Variants in PHACTR4 observed in about 807,000 individuals in gnomAD.
PHACTR4 encodes protein phosphatase 1, regulatory subunit 124.
A neutral mutation model predicts 72.7 loss-of-function variants in PHACTR4; 51 were observed. The observed-to-expected ratio is 0.70, with a 90% CI of 0.56 to 0.89. The LOEUF (loss-of-function observed/expected upper bound fraction) is 0.89, where lower values mean the gene tolerates loss of function less well. Ranked by LOEUF, PHACTR4 falls within the 40% of genes least tolerant of loss-of-function variation. The pLI, the probability that PHACTR4 is intolerant of heterozygous loss-of-function variation, is 0.00. For missense variants in PHACTR4, 731 were observed against 861.8 expected (o/e 0.85, Z 1.90); for synonymous variants, 255 against 302.5 (o/e 0.84, Z 1.63).
Position 28,466,721 on chromosome 1 carries a change from C to T in PHACTR4, c.776C>T (p.Pro259Leu). The change falls in exon 6 of 14, where the codon CCT becomes CTT. Residue 259 changes from proline to leucine, a missense_variant. By Grantham distance (98) the Pro-to-Leu change is moderately conservative (BLOSUM62 -3). Around this residue, in one of 2 missense-constraint regions of PHACTR4, gnomAD observed 621 missense variants for 676.6 expected, o/e 0.92. Coordinates refer to ENST00000373839, the MANE Select transcript of PHACTR4 (RefSeq NM_001048183.3). ...CATATGGTCCCTGCCAAGCAGCCCC[C>T]TATCCCTCCCCCTAAACCAGCTCAC... ...LTHMVPAKQPPIPPPKPAHRN... is the reference protein window; with the variant it reads ...LTHMVPAKQPLIPPPKPAHRN... 1.9e-6 allele frequency: 3 copies of T among 1,613,896 alleles called. No individual in the cohort carries two copies. The highest frequency in any genetic ancestry group is 1.7e-6 in the Non-Finnish European group (2 of 1,179,930).
intron 2 of PHACTR4, among the ~76,000 whole-genome samples, chr1:28,442,316 T>C (rs1251185351): frequency 1.3e-5 from 2 of 151,728 alleles, no homozygotes; most frequent in African/African-American, 4.8e-5. Context: ...ATACAAAAAT[T>C]AGCTGAGCAT....
intron 2 of PHACTR4, chr1:28,457,194 T>C (rs1334665117): frequency 1.1e-5 from 4 of 369,430 alleles, no homozygotes; most frequent in African/African-American, 8.4e-5. Flanking sequence ...AAAACTTCCC[T>C]AAACCTCCAT....
chr1:28,448,589 T>TA (rs747826049), intron 2 of PHACTR4, among the ~76,000 whole-genome samples: 4,846 of 95,754 alleles, frequency 0.051, 160 homozygotes, highest in Non-Finnish European at 0.065. Flanking sequence ...CATCTCTACT[T>TA]AAAAAAAAAA....
chr1:28,444,723 C>T lies in PHACTR4; in HGVS notation c.17-14362C>T, dbSNP rs1366389118. Among the ~76,000 whole-genome samples, 2 of 150,092 alleles carry T rather than the reference C, an allele frequency of 1.3e-5. 1 individual carries two copies. The highest frequency in any genetic ancestry group is 4.9e-5 in the African/African-American group (2 of 41,004). The stretch of plus-strand genomic sequence containing the variant: ...CTCCACCTCCCGGGTTCACGCCATT[C>T]TCCTGCCTCAGCCTCCCAAGTAGCT... On this transcript the variant is annotated intron_variant, in intron 2 of 13. Coordinates refer to ENST00000373839, the MANE Select transcript of PHACTR4 (RefSeq NM_001048183.3).
chr1:28,402,220 A>G (rs2124254874), intron 1 of PHACTR4, among the ~76,000 whole-genome samples: 1 of 152,276 alleles, frequency 6.6e-6, no homozygotes, highest in Non-Finnish European at 1.5e-5. Flanking sequence ...CTCTTTTTCT[A>G]AGTGCTTTAC....
At chr1:28,378,475 C>T (rs2124124809) in intron 1 of PHACTR4, among the ~76,000 whole-genome samples, 1 of 151,844 alleles carries the variant, frequency 6.6e-6, no homozygotes, top group Admixed American at 6.6e-5. Flanking sequence ...TGCACTCCAG[C>T]CTGGGTGACA....
intron 6 of PHACTR4, among the ~76,000 whole-genome samples, chr1:28,471,210 G>A (rs575328520): frequency 2.4e-4 from 36 of 151,792 alleles, no homozygotes; most frequent in African/African-American, 8.0e-4. Context: ...TTAGCCGGGC[G>A]TGGTGGCACA....
At chr1:28,484,787 G>T (rs1660527019) in intron 9 of PHACTR4, among the ~76,000 whole-genome samples, 1 of 151,898 alleles carries the variant, frequency 6.6e-6, no homozygotes, top group Non-Finnish European at 1.5e-5. Flanking sequence ...CTAACACGGT[G>T]AAACCCCATC....
intron 2 of PHACTR4, among the ~76,000 whole-genome samples, chr1:28,411,919 G>C (rs1277930301): frequency 2.0e-5 from 3 of 151,980 alleles, no homozygotes; most frequent in African/African-American, 7.2e-5. Flanking sequence ...GAAAGAAAGA[G>C]AAAGAAAGAA....
At chr1:28,438,359 C>G in intron 2 of PHACTR4, 2 of 1,604,886 alleles carry the variant, frequency 1.2e-6, no homozygotes, top group Non-Finnish European at 1.7e-6. Flanking sequence ...AGTTTGTTGT[C>G]GTGAGATACA....
At chr1:28,457,540 C>G (rs1658478872) in intron 2 of PHACTR4, among the ~76,000 whole-genome samples, 1 of 151,936 alleles carries the variant, frequency 6.6e-6, no homozygotes, top group Non-Finnish European at 1.5e-5. Context: ...GAATTTGAGG[C>G]TGCAGTGAGC....
intron 2 of PHACTR4, among the ~76,000 whole-genome samples, chr1:28,412,077 G>A (rs986365607): frequency 2.6e-5 from 4 of 152,030 alleles, no homozygotes; most frequent in Admixed American, 6.6e-5. Flanking sequence ...TATCATGTTC[G>A]TTAATATCAC....
At chr1:28,380,541 T>C (rs1349845916) in intron 1 of PHACTR4, among the ~76,000 whole-genome samples, 2 of 152,172 alleles carry the variant, frequency 1.3e-5, no homozygotes, top group Non-Finnish European at 2.9e-5. Context: ...CAGTGAGTGT[T>C]GTTCCCCTCT....
At chr1:28,386,252 C>G (rs1652552538) in intron 1 of PHACTR4, among the ~76,000 whole-genome samples, 1 of 152,080 alleles carries the variant, frequency 6.6e-6, no homozygotes, top group South Asian at 2.1e-4. Context: ...TGCCACCAAT[C>G]TTAGCAAATT....
intron 2 of PHACTR4, chr1:28,453,479 A>G (rs965200923): frequency 1.8e-5 from 7 of 381,940 alleles, no homozygotes; most frequent in Non-Finnish European, 2.9e-5. Context: ...TGAGGTCTGT[A>G]GCTGCAGTTG....
intron 2 of PHACTR4, among the ~76,000 whole-genome samples, chr1:28,439,170 A>G (rs1348174100): frequency 1.3e-5 from 2 of 151,984 alleles, no homozygotes; most frequent in Non-Finnish European, 2.9e-5. Flanking sequence ...TTGCTTAAGT[A>G]TAAGCAAAAC....
intron 2 of PHACTR4, among the ~76,000 whole-genome samples, chr1:28,411,660 G>T (rs1168504892): frequency 6.6e-6 from 1 of 152,106 alleles, no homozygotes; most frequent in African/African-American, 2.4e-5. Context: ...TAATTAAGTA[G>T]AAATATTGAA....
chr1:28,462,286 G>T (rs766260347), intron 4 of PHACTR4, among the ~76,000 whole-genome samples: 60 of 152,066 alleles, frequency 3.9e-4, no homozygotes, highest in Non-Finnish European at 6.6e-4. Context: ...TGGGATTACA[G>T]GCGTGAGCCA....
At chr1:28,373,130 T>A (rs896363014) in intron 1 of PHACTR4, among the ~76,000 whole-genome samples, 6 of 152,002 alleles carry the variant, frequency 3.9e-5, no homozygotes, top group African/African-American at 9.7e-5. Context: ...GCTAATTTTT[T>A]AATTTTTTTG....
Sources: gnomAD v4.1 joint callset for allele counts (sites outside exome capture counted in the v4.1 genomes callset) on GRCh38, gnomAD v4.1.1 for gene constraint, gnomAD v4.1.1 regional missense constraint, MANE v1.5 for transcripts, NCBI Gene and HGNC (gene_info 2026-07-23, HGNC 2026-07-21) for gene names.